Variants in ATRNL1 observed in about 807,000 individuals in gnomAD.
ATRNL1 encodes attractin like 1, also known as attractin-like protein 1.
A neutral mutation model predicts 182.7 loss-of-function variants in ATRNL1; 95 were observed. That is an observed-to-expected ratio of 0.52 (90% confidence interval 0.44 to 0.62). The LOEUF is 0.62. ATRNL1 is among the 20% of genes least tolerant of loss of function. The pLI is 0.00. For missense variants in ATRNL1, 1,471 were observed against 1,679.5 expected, an observed-to-expected ratio of 0.88 and a Z score of 2.17; for synonymous variants, 576 against 568.3, an observed-to-expected ratio of 1.01 and a Z score of -0.19.
chr10:115,159,268 T>G (rs1413791936), intron 5 of ATRNL1, among the ~76,000 whole-genome samples: 1 of 151,506 alleles, frequency 6.6e-6, no homozygotes, highest in Non-Finnish European at 1.5e-5. Context: ...TTAAAATACT[T>G]TGTGAGCCCT....
chr10:115,591,214 C>CT (rs1565194781), intron 26 of ATRNL1, among the ~76,000 whole-genome samples: 2 of 152,230 alleles, frequency 1.3e-5, no homozygotes, highest in Non-Finnish European at 2.9e-5. Flanking sequence ...GAGATAGACT[C>CT]TTTACTCACA....
intron 25 of ATRNL1, among the ~76,000 whole-genome samples, chr10:115,528,910 A>G (rs1212678808): frequency 6.6e-6 from 1 of 152,104 alleles, no homozygotes. Context: ...ATTTCCACAT[A>G]CTTTTTAATG....
At chr10:115,404,807 C>A (rs974532117) in intron 20 of ATRNL1, among the ~76,000 whole-genome samples, 1 of 138,986 alleles carries the variant, frequency 7.2e-6, no homozygotes, top group Admixed American at 7.5e-5. Context: ...CTTGCAAAAA[C>A]CTCCCAGCTT....
intron 15 of ATRNL1, among the ~76,000 whole-genome samples, chr10:115,290,611 G>A (rs782551012): frequency 2.0e-5 from 3 of 152,282 alleles, no homozygotes; most frequent in Non-Finnish European, 4.4e-5. Context: ...AGCTGAGGTC[G>A]TGCCATTGCA....
intron 27 of ATRNL1, among the ~76,000 whole-genome samples, chr10:115,831,419 C>G (rs1403386493): frequency 6.6e-6 from 1 of 151,922 alleles, no homozygotes; most frequent in Non-Finnish European, 1.5e-5. Flanking sequence ...GTCATAGTTC[C>G]TTAATAAAGA....
intron 28 of ATRNL1, among the ~76,000 whole-genome samples, chr10:115,897,203 T>C (rs1180255485): frequency 1.3e-5 from 2 of 152,212 alleles, no homozygotes; most frequent in Non-Finnish European, 2.9e-5. Context: ...TCAATCTTGC[T>C]AATAATTAAG....
intron 5 of ATRNL1, among the ~76,000 whole-genome samples, chr10:115,149,026 G>T (rs960078165): frequency 2.1e-4 from 32 of 152,214 alleles, no homozygotes; most frequent in Non-Finnish European, 4.4e-4. Context: ...GTCAGCCACT[G>T]TGCCTGGCTG....
At chr10:115,638,171 G>A (rs1258960947) in intron 26 of ATRNL1, among the ~76,000 whole-genome samples, 1 of 151,734 alleles carries the variant, frequency 6.6e-6, no homozygotes, top group Non-Finnish European at 1.5e-5. Context: ...CTTTTATCCT[G>A]TATTTTTACT....
intron 28 of ATRNL1, among the ~76,000 whole-genome samples, chr10:115,864,771 G>A (rs914968317): frequency 7.2e-5 from 11 of 152,058 alleles, no homozygotes; most frequent in Admixed American, 6.5e-4. Context: ...TCACAAGGTC[G>A]GGAGATCGAG....
At chr10:115,438,791 T>C (rs1195094016) in intron 21 of ATRNL1, among the ~76,000 whole-genome samples, 2 of 151,954 alleles carry the variant, frequency 1.3e-5, no homozygotes, top group Non-Finnish European at 2.9e-5. Context: ...ATCTTGTATG[T>C]TTTTGTTAGC....
At chr10:115,430,607 T>C (rs1286782883) in intron 21 of ATRNL1, among the ~76,000 whole-genome samples, 3 of 152,150 alleles carry the variant, frequency 2.0e-5, no homozygotes, top group Non-Finnish European at 4.4e-5. Context: ...ATCTCCCAGG[T>C]AATAAGTGCA....
chr10:115,840,769 G>T (rs557107067), intron 27 of ATRNL1, among the ~76,000 whole-genome samples: 15 of 152,170 alleles, frequency 9.9e-5, no homozygotes, highest in African/African-American at 3.6e-4. Flanking sequence ...ATGGCTTCTT[G>T]CAGGTAGAGA....
At chr10:115,522,965 A>T (rs1274294863) in intron 25 of ATRNL1, among the ~76,000 whole-genome samples, 1 of 152,152 alleles carries the variant, frequency 6.6e-6, no homozygotes, top group Admixed American at 6.5e-5. Flanking sequence ...CTGCTCTACT[A>T]GGCAATCCCT....
intron 26 of ATRNL1, among the ~76,000 whole-genome samples, chr10:115,596,188 C>T (rs1336552228): frequency 1.3e-5 from 2 of 152,112 alleles, no homozygotes; most frequent in African/African-American, 4.8e-5. Flanking sequence ...TCACTGCAAC[C>T]TCCGCCTCCT....
chr10:115,519,726 T>C (rs1850821943), intron 25 of ATRNL1, among the ~76,000 whole-genome samples: 1 of 152,192 alleles, frequency 6.6e-6, no homozygotes, highest in Non-Finnish European at 1.5e-5. Flanking sequence ...TGTAGGTTCA[T>C]AAAAAGGGCT....
chr10:115,544,337 G>T (rs1236745895), intron 25 of ATRNL1, among the ~76,000 whole-genome samples: 1 of 152,188 alleles, frequency 6.6e-6, no homozygotes, highest in East Asian at 1.9e-4. Context: ...GGCTGTTCTT[G>T]CAATGCTATA....
intron 18 of ATRNL1, among the ~76,000 whole-genome samples, chr10:115,324,179 A>G (rs1230119590): frequency 6.6e-6 from 1 of 151,912 alleles, no homozygotes; most frequent in Non-Finnish European, 1.5e-5. Context: ...TTGAGATTTA[A>G]TTTAGAATTT....
chr10:115,593,859 A>T (rs1047701148), intron 26 of ATRNL1, among the ~76,000 whole-genome samples: 1 of 152,156 alleles, frequency 6.6e-6, no homozygotes. Flanking sequence ...ATCCTGTTTT[A>T]AAATGAAAAT....
chr10:115,636,905 A>T (rs187021024), intron 26 of ATRNL1, among the ~76,000 whole-genome samples: 18 of 152,314 alleles, frequency 1.2e-4, no homozygotes, highest in Non-Finnish European at 7.3e-5. Flanking sequence ...CATATGCCAC[A>T]TAACAAAATT....
Sources: gnomAD v4.1 joint callset for allele counts (sites outside exome capture counted in the v4.1 genomes callset) on GRCh38, gnomAD v4.1.1 for gene constraint, MANE v1.5 for transcripts, NCBI Gene and HGNC (gene_info 2026-07-23, HGNC 2026-07-21) for gene names.